UNC5A: variants seen among roughly 807,000 people sequenced by gnomAD.
UNC5A encodes netrin receptor UNC5A.
Under a neutral mutation model 87.4 loss-of-function variants are expected in UNC5A, and 20 were observed. That is an observed-to-expected ratio of 0.23 (90% confidence interval 0.16 to 0.33). The LOEUF is 0.33. Among genes scored for constraint, UNC5A ranks in the 10% least tolerant of loss-of-function variants. The pLI is 1.00. For synonymous variants in UNC5A, 438 were observed against 482.3 expected, an observed-to-expected ratio of 0.91 and a Z score of 1.20; for missense variants, 844 against 1,133.4, an observed-to-expected ratio of 0.74 and a Z score of 3.67.
intron 1 of UNC5A, among the ~76,000 whole-genome samples, chr5:176,834,697 C>CTCTCTCTG (rs1561646569): frequency 1.3e-5 from 2 of 150,326 alleles, no homozygotes; most frequent in African/African-American, 4.9e-5. Flanking sequence ...CTCTCTCTCT[C>CTCTCTCTG]TCTCTCTGTC....
chr5:176,820,135 T>C (rs1277234203), intron 1 of UNC5A, among the ~76,000 whole-genome samples: 1 of 146,856 alleles, frequency 6.8e-6, no homozygotes, highest in Non-Finnish European at 1.5e-5. Context: ...CGGTGGCTCA[T>C]GCCTGTAATC....
chr5:176,865,291 C>T lies in UNC5A; in HGVS notation c.292+2446C>T, dbSNP rs1757946607. 6.6e-6 allele frequency among the ~76,000 whole-genome samples: 1 copy of T among 152,232 alleles called. No homozygotes were observed. The highest frequency in any genetic ancestry group is 1.5e-5 in the Non-Finnish European group (1 of 68,036). On this transcript the variant is annotated intron_variant, in intron 2 of 14. Coordinates refer to ENST00000329542, the MANE Select transcript of UNC5A (RefSeq NM_133369.3). The surrounding 1 kb of genome is among the most constrained non-coding windows in gnomAD (Gnocchi z 5.3). The stretch of plus-strand genomic sequence containing the variant: ...TCCCAGCACCCCCTTCCGGGCTCCC[C>T]CGCACACCCCTCTGTCTGAAACACC...
chr5:176,853,577 A>G (rs967004549), intron 1 of UNC5A, among the ~76,000 whole-genome samples: 1 of 152,128 alleles, frequency 6.6e-6, no homozygotes, highest in Admixed American at 6.5e-5. Context: ...CTTCATGCAC[A>G]CGTTACTATG....
intron 1 of UNC5A, among the ~76,000 whole-genome samples, chr5:176,837,076 C>T (rs574954315): frequency 9.2e-5 from 14 of 152,304 alleles, no homozygotes; most frequent in East Asian, 3.9e-4. Context: ...TCCCTCTCAC[C>T]AGACTCACTG....
rs187244903 is a variant in UNC5A at position 176,827,721 on chromosome 5, C to T, written c.70+16901C>T. ...CTATGTTGAACTTCCTGAGGAACTG[C>T]CAAACTATTTTCCTTAACAACTGCA... On this transcript the variant is annotated intron_variant, in intron 1 of 14. Transcript: ENST00000329542. Among the ~76,000 whole-genome samples, 656 of 152,340 alleles carry T rather than the reference C, an allele frequency of 4.3e-3. 8 individuals carry two copies. The highest frequency in any genetic ancestry group is 7.5e-3 in the Non-Finnish European group (511 of 68,024).
intron 1 of UNC5A, among the ~76,000 whole-genome samples, chr5:176,822,564 G>T (rs1235125453): frequency 1.3e-5 from 2 of 152,224 alleles, no homozygotes; most frequent in East Asian, 1.9e-4. Flanking sequence ...GAGAGCCCGG[G>T]TGTGTCTCCA....
intron 8 of UNC5A, among the ~76,000 whole-genome samples, chr5:176,876,619 A>T (rs1293204106): frequency 6.6e-6 from 1 of 152,176 alleles, no homozygotes; most frequent in East Asian, 1.9e-4. Flanking sequence ...GAGGGCATCC[A>T]GCCCAGGAGA....
At chr5:176,842,711 TG>T (rs1166219230) in intron 1 of UNC5A, among the ~76,000 whole-genome samples, 1 of 151,230 alleles carries the variant, frequency 6.6e-6, no homozygotes, top group Non-Finnish European at 1.5e-5. Flanking sequence ...TGTGGAAGAG[TG>T]GGAAGGGGTG....
chr5:176,840,101 C>T (rs778125554), intron 1 of UNC5A, among the ~76,000 whole-genome samples: 15 of 152,146 alleles, frequency 9.9e-5, no homozygotes, highest in South Asian at 4.1e-4. Context: ...AAGCAGTCAG[C>T]GCACCTCGGC....
intron 1 of UNC5A, among the ~76,000 whole-genome samples, chr5:176,852,721 G>C (rs1034249877): frequency 1.2e-4 from 18 of 152,230 alleles, no homozygotes; most frequent in Non-Finnish European, 5.9e-5. Context: ...CACTCCCCCC[G>C]GGAGTTTCTG....
At chr5:176,847,811 G>A (rs1178975024) in intron 1 of UNC5A, among the ~76,000 whole-genome samples, 1 of 151,990 alleles carries the variant, frequency 6.6e-6, no homozygotes, top group African/African-American at 2.4e-5. Context: ...ACCCAAAGAG[G>A]CCCCTGGCCC....
chr5:176,871,772 A>C (rs71591849), intron 6 of UNC5A, among the ~76,000 whole-genome samples: 1 of 58,432 alleles, frequency 1.7e-5, no homozygotes, highest in Non-Finnish European at 4.3e-5. Context: ...ACACTCGCCC[A>C]ACACCACAGC....
chr5:176,810,857 G>T lies in UNC5A; in HGVS notation c.70+37G>T. The T allele has an allele frequency of 1.6e-6, 2 of 1,218,944 alleles. No homozygotes were observed. Among genetic ancestry groups the T allele is most frequent in the South Asian group, 4.1e-5 (1 of 24,190 alleles). The allele number at this position is 1,218,944 out of a possible 1,614,324, so 75.5% of individuals were successfully genotyped here. A position where few individuals can be genotyped will look rare whatever the true frequency, so the allele number is the denominator to read the frequency against. On this transcript the variant is annotated intron_variant, in intron 1 of 14. Transcript: ENST00000329542. The surrounding 1 kb of genome is among the most constrained non-coding windows in gnomAD (Gnocchi z 7.3). The stretch of plus-strand genomic sequence containing the variant: ...CGCGCGCGCTCTGGGGAGGCTTGCG[G>T]GGGACCGTGCGCGCGAACGCTCGCT...
intron 1 of UNC5A, among the ~76,000 whole-genome samples, chr5:176,817,098 T>C (rs949878775): frequency 5.9e-5 from 9 of 151,986 alleles, no homozygotes; most frequent in Non-Finnish European, 1.2e-4. Context: ...AGCATTTTGA[T>C]GGGGGAGGGG....
At position 176,865,610 on chromosome 5, in the gene UNC5A, T is replaced by C; in HGVS notation, c.293-2520T>C. ...GATTTCTCAACCCAAAGCCATCGAG[T>C]GCTTTGAGGTGAAGAAAAAGGCTTT... On this transcript the variant is annotated intron_variant, in intron 2 of 14. Transcript: ENST00000329542. This position sits in a 1 kb window ranked among gnomAD's most constrained non-coding sequence, Gnocchi z 5.3. 1 of 456,828 alleles carries C rather than the reference T, an allele frequency of 2.2e-6. No homozygotes were observed. Among genetic ancestry groups the C allele is most frequent in the Non-Finnish European group, 4.4e-6 (1 of 227,000 alleles). The allele number at this position is 456,828 out of a possible 1,614,324, so 28.3% of individuals were successfully genotyped here.
rs147726209 is a variant in UNC5A at position 176,831,210 on chromosome 5, G to A, written c.70+20390G>A. 9.1e-4 allele frequency among the ~76,000 whole-genome samples: 138 copies of A among 152,220 alleles called. 3 individuals carry two copies. In the East Asian group the frequency reaches 0.02, roughly 22 times the overall value. On this transcript the variant is annotated intron_variant, in intron 1 of 14. Transcript: ENST00000329542. ...ATTATTGTTTTAATTACCTGCTGTC[G>A]CCATACAAGACAGGGAGGTTGTAAA...
intron 2 of UNC5A, among the ~76,000 whole-genome samples, chr5:176,867,051 G>A (rs555871380): frequency 2.0e-4 from 30 of 152,254 alleles, no homozygotes; most frequent in African/African-American, 6.0e-4. Flanking sequence ...CCAGCCTGCC[G>A]GCTCAGCTGG....
At chr5:176,851,083 A>G (rs1757530898) in intron 1 of UNC5A, among the ~76,000 whole-genome samples, 1 of 152,160 alleles carries the variant, frequency 6.6e-6, no homozygotes, top group South Asian at 2.1e-4. Context: ...GTGCCAGGAC[A>G]TGTTGCCAGA....
chr5:176,839,015 G>A (rs989938461), intron 1 of UNC5A, among the ~76,000 whole-genome samples: 1 of 152,252 alleles, frequency 6.6e-6, no homozygotes, highest in African/African-American at 2.4e-5. Flanking sequence ...TGGGAAAGCA[G>A]TCAGCAGGTG....
Sources: allele counts gnomAD v4.1 joint callset (sites outside exome capture counted in the v4.1 genomes callset), GRCh38; gene constraint gnomAD v4.1.1; non-coding constraint Gnocchi (gnomAD v3.1); transcripts MANE v1.5; gene names NCBI Gene and HGNC (gene_info 2026-07-23, HGNC 2026-07-21).